The following NEDD4L variants were observed in gnomAD, a reference collection of about 807,000 sequenced individuals.
NEDD4L encodes E3 ubiquitin-protein ligase NEDD4-like.
In NEDD4L, 54 loss-of-function variants were observed where a neutral mutation model predicts 148.9. The observed-to-expected ratio is 0.36, with a 90% CI of 0.29 to 0.45. The LOEUF is 0.45. Ranked by LOEUF, NEDD4L falls within the 20% of genes least tolerant of loss-of-function variation. The pLI, the probability that NEDD4L is intolerant of heterozygous loss-of-function variation, is 1.00. For synonymous variants in NEDD4L, 433 were observed against 440.7 expected (o/e 0.98, Z 0.22); for missense variants, 856 against 1,233.8 (o/e 0.69, Z 4.59).
At chr18:58,137,200 G>T (rs539148693) in intron 1 of NEDD4L, among the ~76,000 whole-genome samples, 2 of 152,216 alleles carry the variant, frequency 1.3e-5, no homozygotes, top group African/African-American at 4.8e-5. Flanking sequence ...TGGTTATCTT[G>T]TGAGAGAAAT....
At chr18:58,105,988 C>T (rs1329883192) in intron 1 of NEDD4L, among the ~76,000 whole-genome samples, 1 of 152,240 alleles carries the variant, frequency 6.6e-6, no homozygotes, top group Non-Finnish European at 1.5e-5. Context: ...GGTTACCCAG[C>T]AGCTAAATGA....
intron 5 of NEDD4L, among the ~76,000 whole-genome samples, chr18:58,305,348 G>C (rs2056940191): frequency 6.6e-6 from 1 of 152,222 alleles, no homozygotes; most frequent in Non-Finnish European, 1.5e-5. Flanking sequence ...GAATAAGATA[G>C]AGGGCTTTTA....
At chr18:58,249,792 A>G (rs546258455) in intron 4 of NEDD4L, among the ~76,000 whole-genome samples, 28 of 152,324 alleles carry the variant, frequency 1.8e-4, no homozygotes, top group Admixed American at 5.9e-4. Context: ...TTGTGCTCCA[A>G]ACTTGGGCTA....
intron 5 of NEDD4L, among the ~76,000 whole-genome samples, chr18:58,302,453 G>A (rs919346796): frequency 6.6e-6 from 1 of 152,126 alleles, no homozygotes; most frequent in African/African-American, 2.4e-5. Context: ...ATAGAACAGG[G>A]TTTCTCAAAT....
At chr18:58,261,665 A>G (rs2049401716) in intron 5 of NEDD4L, among the ~76,000 whole-genome samples, 1 of 152,220 alleles carries the variant, frequency 6.6e-6, no homozygotes, top group Non-Finnish European at 1.5e-5. Context: ...ACTACCTTAA[A>G]ATGTAATAAA....
At chr18:58,076,157 A>G (rs2083144649) in intron 1 of NEDD4L, among the ~76,000 whole-genome samples, 1 of 152,186 alleles carries the variant, frequency 6.6e-6, no homozygotes, top group Non-Finnish European at 1.5e-5. Context: ...TTTTGTGGTC[A>G]GGATTTTTTG....
intron 22 of NEDD4L, among the ~76,000 whole-genome samples, chr18:58,369,891 A>G (rs1005090278): frequency 2.0e-5 from 3 of 152,116 alleles, no homozygotes; most frequent in Middle Eastern, 3.2e-3. Context: ...CTTTCTCCCC[A>G]TCGCTGCCCA....
Position 58,366,953 on chromosome 18 carries a change from G to A in NEDD4L, c.2063+725G>A, listed in dbSNP as rs140626845. Among the ~76,000 whole-genome samples, 1 of 152,218 alleles carries A rather than the reference G, an allele frequency of 6.6e-6. No homozygotes were observed. The highest frequency in any genetic ancestry group is 2.4e-5 in the African/African-American group (1 of 41,448). On this transcript the variant is annotated intron_variant, in intron 21 of 30. Coordinates refer to ENST00000400345, the MANE Select transcript of NEDD4L (RefSeq NM_001144967.3). The surrounding 1 kb of genome is among the most constrained non-coding windows in gnomAD (Gnocchi z 4.2). Reference sequence around the variant, plus strand: ...AGTCTCCTGGGGGCTCATTTGGAAGGCCGCCTCAGTACATTCTTCCTGGTT... The same window carrying A: ...AGTCTCCTGGGGGCTCATTTGGAAGACCGCCTCAGTACATTCTTCCTGGTT...
At chr18:58,061,903 G>A (rs2082351866) in intron 1 of NEDD4L, among the ~76,000 whole-genome samples, 1 of 148,386 alleles carries the variant, frequency 6.7e-6, no homozygotes, top group African/African-American at 2.5e-5. Context: ...TAAATAGGAA[G>A]GTTTCTGATT....
intron 5 of NEDD4L, among the ~76,000 whole-genome samples, chr18:58,252,933 C>T (rs1304546862): frequency 2.0e-5 from 3 of 152,126 alleles, no homozygotes; most frequent in East Asian, 1.9e-4. Flanking sequence ...CTATCTAAAA[C>T]GTGTACATCA....
intron 5 of NEDD4L, among the ~76,000 whole-genome samples, chr18:58,279,955 T>A (rs1053816494): frequency 2.0e-5 from 3 of 152,226 alleles, no homozygotes; most frequent in Non-Finnish European, 4.4e-5. Flanking sequence ...TAAGCCAGGC[T>A]AAGTGGTGTT....
At chr18:58,084,671 TTGTGTGTGTGTGTG>T (rs55916532) in intron 1 of NEDD4L, among the ~76,000 whole-genome samples, 20 of 133,822 alleles carry the variant, frequency 1.5e-4, no homozygotes, top group Admixed American at 4.6e-4. Context: ...TGTGGGGTTT[TTGTGTGTGTGTGTG>T]TGTGTGTGTG....
intron 2 of NEDD4L, among the ~76,000 whole-genome samples, chr18:58,169,659 C>T (rs982866481): frequency 6.6e-6 from 1 of 152,218 alleles, no homozygotes; most frequent in Non-Finnish European, 1.5e-5. Context: ...CTGCTCAAAA[C>T]GCCCACGTGG....
intron 1 of NEDD4L, among the ~76,000 whole-genome samples, chr18:58,143,531 A>C (rs1206674138): frequency 6.6e-6 from 1 of 152,198 alleles, no homozygotes; most frequent in African/African-American, 2.4e-5. Flanking sequence ...CTGTGTTGCA[A>C]ACCCAGTGCC....
At position 58,265,851 on chromosome 18, in the gene NEDD4L, A is replaced by G. The variant is rs374888787; in HGVS notation, c.297+13797A>G. The stretch of plus-strand genomic sequence containing the variant: ...AGTGCTGGGTTTACAGGCATGAGAC[A>G]CTGTATCCAACTAAGTAGGCTTTAT... On this transcript the variant is annotated intron_variant, in intron 5 of 30. Coordinates refer to ENST00000400345, the MANE Select transcript of NEDD4L (RefSeq NM_001144967.3). 2.2e-4 allele frequency among the ~76,000 whole-genome samples: 34 copies of G among 152,208 alleles called. No individual in the cohort carries two copies. In the South Asian group the frequency reaches 7.0e-3, roughly 32 times the overall value.
intron 26 of NEDD4L, among the ~76,000 whole-genome samples, chr18:58,386,570 TG>T (rs1374152798): frequency 2.0e-5 from 3 of 152,178 alleles, no homozygotes; most frequent in Non-Finnish European, 4.4e-5. Flanking sequence ...CCCCTAGCAG[TG>T]GGTGAGGGAT....
At chr18:58,082,632 C>A (rs1176167627) in intron 1 of NEDD4L, among the ~76,000 whole-genome samples, 2 of 151,344 alleles carry the variant, frequency 1.3e-5, no homozygotes, top group African/African-American at 4.9e-5. Flanking sequence ...ATTAGTCGGG[C>A]ATGGTGGTGC....
At chr18:58,391,420 G>C in intron 29 of NEDD4L, 67 bp from the exon 30 acceptor site, 2 of 1,320,750 alleles carry the variant, frequency 1.5e-6, no homozygotes, top group Non-Finnish European at 1.1e-6. Flanking sequence ...CTGGACTGCA[G>C]ACCACACCAT....
At chr18:58,084,400 A>G (rs2083639230) in intron 1 of NEDD4L, among the ~76,000 whole-genome samples, 2 of 152,218 alleles carry the variant, frequency 1.3e-5, no homozygotes, top group Admixed American at 1.3e-4. Context: ...TAAATTGTGT[A>G]TAAATTATGT....
Sources: allele counts gnomAD v4.1 joint callset (sites outside exome capture counted in the v4.1 genomes callset), GRCh38; gene constraint gnomAD v4.1.1; non-coding constraint Gnocchi (gnomAD v3.1); transcripts MANE v1.5; gene names NCBI Gene and HGNC (gene_info 2026-07-23, HGNC 2026-07-21).